The following ZBTB20 variants were observed in gnomAD, a reference collection of about 807,000 sequenced individuals.
ZBTB20 encodes zinc finger and BTB domain containing 20, also known as zinc finger and BTB domain-containing protein 20.
In ZBTB20, 9 loss-of-function variants were observed where a neutral mutation model predicts 56.9. That is an observed-to-expected ratio of 0.16 (90% CI 0.10 to 0.28). The LOEUF (loss-of-function observed/expected upper bound fraction) is 0.28, where lower values mean the gene tolerates loss of function less well. Ranked by LOEUF, ZBTB20 falls within the 10% of genes least tolerant of loss-of-function variation. The probability of loss-of-function intolerance (pLI) is 1.00; values close to 1 mark genes in which losing one functional copy is unlikely to be tolerated. For synonymous variants in ZBTB20, 417 were observed against 420.7 expected, an observed-to-expected ratio of 0.99 and a Z score of 0.11; for missense variants, 655 against 1,003.0, an observed-to-expected ratio of 0.65 and a Z score of 4.69.
At chr3:114,565,747 T>C (rs1047977983) in intron 6 of ZBTB20, among the ~76,000 whole-genome samples, 1 of 151,874 alleles carries the variant, frequency 6.6e-6, no homozygotes, top group Non-Finnish European at 1.5e-5. Flanking sequence ...CATTGTTTCA[T>C]GGAAAATGCT....
At chr3:114,836,900 G>T (rs114361508) in intron 4 of ZBTB20, among the ~76,000 whole-genome samples, 1 of 152,278 alleles carries the variant, frequency 6.6e-6, no homozygotes, top group Non-Finnish European at 1.5e-5. Context: ...GCAATAAGAA[G>T]AAATTAAAAT....
Position 114,316,407 on chromosome 3 carries a change from TTTTGTAATGAGCATCTGGA to T in ZBTB20, c.*22579_*22597del, listed in dbSNP as rs1235487008. On this transcript the variant is annotated 3_prime_UTR_variant, in exon 12 of 12. Transcript: ENST00000675478. The stretch of plus-strand genomic sequence containing the variant: ...CTGCTGCTGTTTGTGTAGCATCTGG[TTTTGTAATGAGCATCTGGA>T]TTTGTAATGAGCATCTGATTTTGTT... 1 of 455,698 alleles carries T rather than the reference TTTTGTAATGAGCATCTGGA, an allele frequency of 2.2e-6. No homozygotes were observed. The highest frequency in any genetic ancestry group is 4.5e-6 in the Non-Finnish European group (1 of 223,346). 28.2% of individuals were successfully genotyped at this position (455,698 alleles called of 1,614,324 possible).
At chr3:114,786,990 A>AT (rs978422837) in intron 5 of ZBTB20, among the ~76,000 whole-genome samples, 2 of 152,024 alleles carry the variant, frequency 1.3e-5, no homozygotes, top group African/African-American at 4.8e-5. Context: ...ATTTTATTTT[A>AT]TTTTTTTAAA....
chr3:114,583,221 C>A (rs2054832755), intron 6 of ZBTB20, among the ~76,000 whole-genome samples: 1 of 152,242 alleles, frequency 6.6e-6, no homozygotes, highest in Admixed American at 6.5e-5. Flanking sequence ...AAGAAAAGTG[C>A]CAGCCACTGC....
At chr3:114,946,383 T>C (rs182273201) in intron 3 of ZBTB20, among the ~76,000 whole-genome samples, 1 of 145,664 alleles carries the variant, frequency 6.9e-6, no homozygotes, top group Non-Finnish European at 1.5e-5. Flanking sequence ...CATCAAATAC[T>C]TTCAAATAAA....
In ZBTB20 at chr3:114,319,017, G is replaced by A. The variant is rs1282872286; in HGVS notation, c.*19988C>T. 6.6e-6 allele frequency: 1 copy of A among 152,014 alleles called. No homozygotes were observed. The highest frequency in any genetic ancestry group is 1.5e-5 in the Non-Finnish European group (1 of 67,994). The allele number at this position is 152,014 out of a possible 1,614,324, so 9.4% of individuals were successfully genotyped here. On this transcript the variant is annotated 3_prime_UTR_variant, in exon 12 of 12. Coordinates refer to ENST00000675478, the MANE Select transcript of ZBTB20 (RefSeq NM_001348800.3). ...TCTGAAACAAAATAAACAGCAGTGG[G>A]TACAAACTTCTTCTTGTAACAATTA...
At chr3:114,696,591 C>G (rs2063031176) in intron 5 of ZBTB20, among the ~76,000 whole-genome samples, 1 of 151,992 alleles carries the variant, frequency 6.6e-6, no homozygotes, top group Admixed American at 6.6e-5. Flanking sequence ...CAAAACAAAA[C>G]AAAAAATCCC....
chr3:114,385,085 TTTAC>T (rs764791121), intron 8 of ZBTB20, among the ~76,000 whole-genome samples: 20 of 152,186 alleles, frequency 1.3e-4, no homozygotes, highest in Non-Finnish European at 2.1e-4. Context: ...TAATGTGCCT[TTTAC>T]TTATCAGCTT....
Position 114,756,347 on chromosome 3 carries a change from A to T in ZBTB20, c.-343+44754T>A, listed in dbSNP as rs1295036046. On this transcript the variant is annotated intron_variant, in intron 5 of 11. Transcript: ENST00000675478. Reference sequence around the variant, plus strand: ...AAAATTAAAATACCACCATGAAAAAATCCATATGAAATTTGACATAGGTAT... The same window carrying T: ...AAAATTAAAATACCACCATGAAAAATTCCATATGAAATTTGACATAGGTAT... 2.0e-5 allele frequency among the ~76,000 whole-genome samples: 3 copies of T among 152,238 alleles called. No homozygotes were observed. The South Asian group carries it at 6.2e-4, about 32-fold the overall frequency.
At chr3:114,935,413 T>C (rs1037280127) in intron 3 of ZBTB20, among the ~76,000 whole-genome samples, 2 of 152,200 alleles carry the variant, frequency 1.3e-5, no homozygotes, top group African/African-American at 4.8e-5. Flanking sequence ...TTATTTTTTA[T>C]TACCTGCCAC....
intron 5 of ZBTB20, among the ~76,000 whole-genome samples, chr3:114,746,580 C>T (rs1453202422): frequency 4.6e-5 from 7 of 152,126 alleles, no homozygotes; most frequent in African/African-American, 7.2e-5. Context: ...CATACACTAT[C>T]CACACTACAG....
chr3:114,615,887 C>G (rs1042640769), intron 6 of ZBTB20, among the ~76,000 whole-genome samples: 2 of 152,300 alleles, frequency 1.3e-5, no homozygotes, highest in Middle Eastern at 6.8e-3. Flanking sequence ...TTGCAGTTTA[C>G]GATGTCAATA....
chr3:114,710,728 A>G (rs1001069505), intron 5 of ZBTB20, among the ~76,000 whole-genome samples: 1 of 152,026 alleles, frequency 6.6e-6, no homozygotes, highest in Non-Finnish European at 1.5e-5. Context: ...TAACTACTAC[A>G]TGCTCTTCCT....
At chr3:115,080,148 A>AT (rs2082745931) in intron 1 of ZBTB20, among the ~76,000 whole-genome samples, 2 of 152,180 alleles carry the variant, frequency 1.3e-5, no homozygotes, top group South Asian at 4.1e-4. Context: ...CTCTTATAAA[A>AT]GAGACCCCCA....
intron 4 of ZBTB20, among the ~76,000 whole-genome samples, chr3:114,879,543 A>C (rs1160859292): frequency 6.6e-6 from 1 of 152,044 alleles, no homozygotes; most frequent in Non-Finnish European, 1.5e-5. Flanking sequence ...CCTGACCCTG[A>C]CCTTCAAATC....
At chr3:114,516,167 A>G (rs1030271446) in intron 6 of ZBTB20, among the ~76,000 whole-genome samples, 1 of 152,128 alleles carries the variant, frequency 6.6e-6, no homozygotes, top group Non-Finnish European at 1.5e-5. Flanking sequence ...TTACCATTCA[A>G]TAAGTTTTGC....
intron 1 of ZBTB20, among the ~76,000 whole-genome samples, chr3:115,141,851 T>C (rs2084819761): frequency 6.6e-6 from 1 of 152,164 alleles, no homozygotes; most frequent in African/African-American, 2.4e-5. Context: ...AATATGAATA[T>C]TAATAAACTT....
rs2079226192 is a variant in ZBTB20, at chr3:114,330,920, T to G, written c.*8085A>C. On this transcript the variant is annotated 3_prime_UTR_variant, in exon 12 of 12. Transcript: ENST00000675478. ...CTTGAGATGGGCAAGAGCAATCAAT[T>G]CCTACAGATTACCAAAAAACATTCC... The G allele has an allele frequency of 6.6e-6, 1 of 152,170 alleles. No homozygotes were observed. The highest frequency in any genetic ancestry group is 2.4e-5 in the African/African-American group (1 of 41,432). 9.4% of individuals were successfully genotyped at this position (152,170 alleles called of 1,614,324 possible). A position where few individuals can be genotyped will look rare whatever the true frequency, so the allele number is the denominator to read the frequency against.
intron 6 of ZBTB20, among the ~76,000 whole-genome samples, chr3:114,570,476 T>C (rs990472132): frequency 2.0e-5 from 3 of 151,908 alleles, no homozygotes; most frequent in African/African-American, 7.2e-5. Context: ...GCAACTCTGC[T>C]AGATAGATAT....
Sources: gnomAD v4.1 joint callset for allele counts (sites outside exome capture counted in the v4.1 genomes callset) on GRCh38, gnomAD v4.1.1 for gene constraint, MANE v1.5 for transcripts, NCBI Gene and HGNC (gene_info 2026-07-23, HGNC 2026-07-21) for gene names.